CHD1L: variants seen among roughly 807,000 people sequenced by gnomAD.
CHD1L encodes ATP-dependent chromatin remodeler CHD1L.
A neutral mutation model predicts 115.9 loss-of-function variants in CHD1L; 118 were observed. The observed-to-expected ratio is 1.02, with a 90% CI of 0.88 to 1.19. The LOEUF (loss-of-function observed/expected upper bound fraction) is 1.19, where lower values mean the gene tolerates loss of function less well. Among genes scored for constraint, CHD1L ranks in the 50% most tolerant of loss-of-function variants. The pLI is 0.00. For synonymous variants in CHD1L, 411 were observed against 387.1 expected (o/e 1.06, Z -0.72); for missense variants, 1,179 against 1,065.3 (o/e 1.11, Z -1.49).
At chr1:147,275,307 C>T (rs782598745) in intron 12 of CHD1L, 47 bp from the exon 13 acceptor site, 58 of 1,404,380 alleles carry the variant, frequency 4.1e-5, no homozygotes, top group African/African-American at 2.0e-4. Flanking sequence ...TTTTCTAGCT[C>T]CTCGTCTTTG....
chr1:147,249,108 A>G (rs1019105697), intron 1 of CHD1L, among the ~76,000 whole-genome samples: 1 of 152,078 alleles, frequency 6.6e-6, no homozygotes, highest in Non-Finnish European at 1.5e-5. Context: ...CTTTGAGGGT[A>G]GGTTTGTTGA....
At chr1:147,265,886 G>C in intron 7 of CHD1L, 46 bp from the exon 8 acceptor site, 1 of 1,563,118 alleles carries the variant, frequency 6.4e-7, no homozygotes, top group Non-Finnish European at 8.7e-7. Context: ...CATTGCCTTG[G>C]TTCTACTTTT....
chr1:147,189,766 C>A, the CHD1L span, among the ~76,000 whole-genome samples: 2 of 152,140 alleles, frequency 1.3e-5, no homozygotes, highest in Non-Finnish European at 2.9e-5. Context: ...GCGGCCACTG[C>A]AGACTTGTAA....
chr1:147,242,669 G>C (rs782102989), upstream of CHD1L: 2 of 1,263,414 alleles, frequency 1.6e-6, no homozygotes, highest in Non-Finnish European at 2.0e-6. Flanking sequence ...GGAGGTGCGC[G>C]CTTGGCCGCG....
chr1:147,217,440 TCCTC>T, the CHD1L span, among the ~76,000 whole-genome samples: 1 of 152,124 alleles, frequency 6.6e-6, no homozygotes, highest in Admixed American at 6.5e-5. Context: ...TTGGATCTCC[TCCTC>T]CCTTTTTATT....
At chr1:147,254,710 C>T (rs367770027) in intron 2 of CHD1L, among the ~76,000 whole-genome samples, 160 bp from the exon 3 acceptor site, 1 of 152,162 alleles carries the variant, frequency 6.6e-6, no homozygotes, top group Non-Finnish European at 1.5e-5. Context: ...TTTCGCTCTA[C>T]GAATGGATTA....
In CHD1L at chr1:147,285,248, A is replaced by G; in HGVS notation, c.1855-76A>G. On this transcript the variant is annotated intron_variant, in intron 16 of 22. Transcript: ENST00000369258. Reference sequence around the variant, plus strand: ...GGAATATTAAGCATGTTGCTTCCGTACAGTGTGTGTTAGGGATAATGAAAT... The same window carrying G: ...GGAATATTAAGCATGTTGCTTCCGTGCAGTGTGTGTTAGGGATAATGAAAT... The G allele has an allele frequency of 2.7e-6, 4 of 1,478,142 alleles. No individual in the cohort carries two copies. In the South Asian group the frequency reaches 5.1e-5, roughly 19 times the overall value. 91.6% of individuals were successfully genotyped at this position (1,478,142 alleles called of 1,614,324 possible).
the CHD1L span, chr1:147,203,138 T>A: frequency 2.3e-6 from 1 of 442,356 alleles, no homozygotes; most frequent in Non-Finnish European, 4.0e-6. Context: ...ACAGTAACAA[T>A]ATGTTTATTA....
intron 6 of CHD1L, among the ~76,000 whole-genome samples, chr1:147,261,803 C>G (rs367925092): frequency 6.6e-6 from 1 of 152,174 alleles, no homozygotes; most frequent in East Asian, 1.9e-4. Context: ...TTGCAGATAA[C>G]TAGTTGGAAA....
At chr1:147,209,437 CA>C in the CHD1L span, among the ~76,000 whole-genome samples, 70 of 109,850 alleles carry the variant, frequency 6.4e-4, no homozygotes, top group African/African-American at 2.2e-3. Context: ...GACTCCGTCT[CA>C]AAAAAAAAAA....
chr1:147,201,691 A>G, the CHD1L span, among the ~76,000 whole-genome samples: 3 of 152,166 alleles, frequency 2.0e-5, no homozygotes, highest in African/African-American at 7.2e-5. Context: ...CTGAAGTTGG[A>G]CCCTGGATGC....
upstream of CHD1L, among the ~76,000 whole-genome samples, chr1:147,238,304 C>A (rs1664652547): frequency 6.6e-6 from 1 of 152,186 alleles, no homozygotes; most frequent in Non-Finnish European, 1.5e-5. Flanking sequence ...CAGCTTTTAT[C>A]CAATTTCCGT....
At chr1:147,291,121 A>G (rs1685364613) in intron 19 of CHD1L, among the ~76,000 whole-genome samples, 1 of 152,218 alleles carries the variant, frequency 6.6e-6, no homozygotes, top group Non-Finnish European at 1.5e-5. Context: ...GATAAAGTAG[A>G]ATGTAATAAT....
intron 3 of CHD1L, among the ~76,000 whole-genome samples, chr1:147,255,244 T>C (rs1217584266): frequency 6.6e-6 from 1 of 152,212 alleles, no homozygotes; most frequent in Admixed American, 6.5e-5. Flanking sequence ...TTGTTTGTTT[T>C]GAGACAGAGT....
chr1:147,184,478 A>C, the CHD1L span: 6 of 1,505,750 alleles, frequency 4.0e-6, no homozygotes, highest in South Asian at 8.0e-5. This position sits in a 1 kb window ranked among gnomAD's most constrained non-coding sequence, Gnocchi z 4.4. Context: ...AGGATACTAC[A>C]TTACATTTAG....
At chr1:147,197,426 G>C in the CHD1L span, among the ~76,000 whole-genome samples, 2 of 152,048 alleles carry the variant, frequency 1.3e-5, no homozygotes, top group Non-Finnish European at 2.9e-5. Context: ...GATATGGTTT[G>C]GCTGTGTCCC....
At chr1:147,209,039 T>C in the CHD1L span, 1 of 1,613,786 alleles carries the variant, frequency 6.2e-7, no homozygotes, top group Non-Finnish European at 8.5e-7. Flanking sequence ...CCTCTCCTGG[T>C]GCTGAGGAAA....
chr1:147,283,065 AC>A (rs1219774841), intron 15 of CHD1L, among the ~76,000 whole-genome samples: 1 of 152,198 alleles, frequency 6.6e-6, no homozygotes, highest in Non-Finnish European at 1.5e-5. Context: ...TAAATAAAAA[AC>A]AGGGTTGCTT....
intron 5 of CHD1L, among the ~76,000 whole-genome samples, chr1:147,256,972 C>T (rs1330475778): frequency 6.6e-6 from 1 of 152,162 alleles, no homozygotes; most frequent in Non-Finnish European, 1.5e-5. Flanking sequence ...GAGCTGTTTG[C>T]TGGACATAAC....
Sources: allele counts gnomAD v4.1 joint callset (sites outside exome capture counted in the v4.1 genomes callset), GRCh38; gene constraint gnomAD v4.1.1; non-coding constraint Gnocchi (gnomAD v3.1); transcripts MANE v1.5; gene names NCBI Gene and HGNC (gene_info 2026-07-23, HGNC 2026-07-21).